ANK1: variants seen among roughly 807,000 people sequenced by gnomAD.
ANK1 encodes the protein ankyrin-1.
A neutral mutation model predicts 210.4 loss-of-function variants in ANK1; 51 were observed. The ratio of observed to expected loss-of-function variants is 0.24; its 90% CI spans 0.19 to 0.31. The LOEUF is 0.31. Among genes scored for constraint, ANK1 ranks in the 10% least tolerant of loss-of-function variants. The pLI is 1.00. For missense variants in ANK1, 2,051 were observed against 2,504.4 expected (o/e 0.82, Z 3.86); for synonymous variants, 967 against 1,025.9 (o/e 0.94, Z 1.10).
At chr8:41,855,826 A>G (rs900377482) in intron 1 of ANK1, among the ~76,000 whole-genome samples, 1 of 152,106 alleles carries the variant, frequency 6.6e-6, no homozygotes, top group Non-Finnish European at 1.5e-5. Context: ...TGCCAAGTGG[A>G]AAATCCTACA....
At chr8:41,769,249 C>G (rs1292510468) in intron 1 of ANK1, among the ~76,000 whole-genome samples, 1 of 152,240 alleles carries the variant, frequency 6.6e-6, no homozygotes, top group South Asian at 2.1e-4. Flanking sequence ...TGAGGATGGG[C>G]ACCCTCTCGA....
At chr8:41,871,990 C>G (rs893624770) in intron 1 of ANK1, among the ~76,000 whole-genome samples, 3 of 152,216 alleles carry the variant, frequency 2.0e-5, no homozygotes, top group Non-Finnish European at 4.4e-5. Flanking sequence ...CTCCAGATGA[C>G]AAGGCCGCAG....
At chr8:41,852,198 G>A (rs780104722) in intron 1 of ANK1, among the ~76,000 whole-genome samples, 15 of 152,166 alleles carry the variant, frequency 9.9e-5, no homozygotes, top group African/African-American at 3.1e-4. Flanking sequence ...AGGTCACGGC[G>A]ATGCCTTGGG....
At chr8:41,750,388 C>T (rs373786091) in intron 2 of ANK1, among the ~76,000 whole-genome samples, 1 of 152,174 alleles carries the variant, frequency 6.6e-6, no homozygotes, top group Non-Finnish European at 1.5e-5. Context: ...GCCAAATACT[C>T]GACCCGTGGG....
intron 10 of ANK1, among the ~76,000 whole-genome samples, 164 bp downstream of exon 10, chr8:41,719,497 C>T (rs1325758671): frequency 1.3e-5 from 2 of 152,156 alleles, no homozygotes; most frequent in African/African-American, 4.8e-5. Context: ...GGGGTGCACA[C>T]CAGGCCCCCA....
chr8:41,669,701 C>T (rs956056193), intron 38 of ANK1, among the ~76,000 whole-genome samples: 1 of 152,178 alleles, frequency 6.6e-6, no homozygotes, highest in Non-Finnish European at 1.5e-5. Context: ...TTAGCAGATG[C>T]TTCTGAAATA....
intron 2 of ANK1, among the ~76,000 whole-genome samples, chr8:41,750,500 T>C (rs1837445061): frequency 6.6e-6 from 1 of 152,202 alleles, no homozygotes. Flanking sequence ...GTCTAGTTCC[T>C]ACGTGGACTA....
At chr8:41,796,577 G>C (rs1045479996) in intron 1 of ANK1, among the ~76,000 whole-genome samples, 2 of 150,912 alleles carry the variant, frequency 1.3e-5, no homozygotes, top group Non-Finnish European at 2.9e-5. Context: ...ACCAGGAAAG[G>C]CAAATTGTAC....
At position 41,672,919 on chromosome 8, in the gene ANK1, G is replaced by A; in HGVS notation, c.4538-7C>T. 1 of 1,596,586 alleles carries A rather than the reference G, an allele frequency of 6.3e-7. No homozygotes were observed. The highest frequency in any genetic ancestry group is 1.1e-5 in the South Asian group (1 of 90,538). On this transcript the variant is annotated splice_polypyrimidine_tract_variant and splice_region_variant and intron_variant, in intron 37 of 42. Coordinates refer to ENST00000289734, the MANE Select transcript of ANK1 (RefSeq NM_000037.4). ...TCCTGCAGTGAGGAGTAACCTGGAT[G>A]GGCAGACAGAGGGCAACATGCTCCA... is the stretch of plus-strand genomic sequence containing the variant.
chr8:41,806,036 T>C (rs1239508945), intron 1 of ANK1, among the ~76,000 whole-genome samples: 1 of 152,258 alleles, frequency 6.6e-6, no homozygotes, highest in Non-Finnish European at 1.5e-5. Flanking sequence ...TCATATCCTT[T>C]ACACTTGCAA....
intron 1 of ANK1, among the ~76,000 whole-genome samples, chr8:41,854,502 CT>C (rs996632864): frequency 1.1e-4 from 16 of 152,178 alleles, no homozygotes; most frequent in Admixed American, 1.0e-3. Flanking sequence ...TCTAAAGCAC[CT>C]TCACGTGCTT....
chr8:41,723,493 C>G, intron 8 of ANK1, 42 bp downstream of exon 8: 7 of 1,588,742 alleles, frequency 4.4e-6, no homozygotes, highest in Non-Finnish European at 6.0e-6. Flanking sequence ...TGAGGGGGGA[C>G]CTCCCTCCCC....
intron 1 of ANK1, among the ~76,000 whole-genome samples, chr8:41,869,325 A>G (rs2150823863): frequency 6.6e-6 from 1 of 152,300 alleles, no homozygotes; most frequent in South Asian, 2.1e-4. Flanking sequence ...ATCATCAGGG[A>G]TCTTGCTTAA....
At chr8:41,784,278 C>T (rs1278544064) in intron 1 of ANK1, among the ~76,000 whole-genome samples, 1 of 152,192 alleles carries the variant, frequency 6.6e-6, no homozygotes, top group Non-Finnish European at 1.5e-5. Context: ...TTCTCCACTC[C>T]TAGCCTCCTG....
intron 2 of ANK1, among the ~76,000 whole-genome samples, chr8:41,752,282 A>G (rs956146220): frequency 2.0e-5 from 3 of 152,174 alleles, no homozygotes; most frequent in Admixed American, 2.0e-4. Context: ...TGTCTTGTTC[A>G]GTGCCTAGAA....
rs117765817 is a variant in ANK1 at position 41,782,248 on chromosome 8, G to A, written c.27+15264C>T. On this transcript the variant is annotated intron_variant, in intron 1 of 42. Transcript: ENST00000289734. ...CATAGAGAGCTTTCAAACCAAACAT[G>A]CAAACTCACAAGGCCAAAATGCATG... 2.2e-3 allele frequency among the ~76,000 whole-genome samples: 339 copies of A among 152,290 alleles called. 8 individuals are homozygous for A. In the East Asian group the frequency reaches 0.056, roughly 25 times the overall value.
At chr8:41,715,620 G>GCTT in intron 14 of ANK1, 32 bp downstream of exon 14, 1 of 1,611,142 alleles carries the variant, frequency 6.2e-7, no homozygotes, top group East Asian at 2.2e-5. Flanking sequence ...TGAGCCTGTT[G>GCTT]CTTCCTTAGA....
At chr8:41,841,021 C>T (rs928035850) in intron 1 of ANK1, among the ~76,000 whole-genome samples, 1 of 152,120 alleles carries the variant, frequency 6.6e-6, no homozygotes, top group Admixed American at 6.6e-5. Flanking sequence ...GCGAATCTAC[C>T]GTGTAACCCA....
chr8:41,843,862 C>T (rs995092406), intron 1 of ANK1, among the ~76,000 whole-genome samples: 1 of 152,162 alleles, frequency 6.6e-6, no homozygotes, highest in African/African-American at 2.4e-5. Flanking sequence ...AATCTCATGC[C>T]ATGAAATCAC....
Sources: gnomAD v4.1 joint callset for allele counts (sites outside exome capture counted in the v4.1 genomes callset) on GRCh38, gnomAD v4.1.1 for gene constraint, MANE v1.5 for transcripts, NCBI Gene and HGNC (gene_info 2026-07-23, HGNC 2026-07-21) for gene names.